Variants in CREB5 observed in about 807,000 individuals in gnomAD.
CREB5 encodes cAMP responsive element binding protein 5, also known as cyclic AMP-responsive element-binding protein 5.
CREB5 carries 19 observed loss-of-function variants against 57.1 expected under a neutral mutation model. The observed-to-expected ratio is 0.33, with a 90% confidence interval of 0.23 to 0.49. The LOEUF (loss-of-function observed/expected upper bound fraction) is 0.49. Among genes scored for constraint, CREB5 ranks in the 20% least tolerant of loss-of-function variants. CREB5 has a pLI of 0.99. For missense variants in CREB5, 579 were observed against 671.6 expected, an observed-to-expected ratio of 0.86 and a Z score of 1.52; for synonymous variants, 238 against 238.3, an observed-to-expected ratio of 1.00 and a Z score of 0.01.
intron 1 of CREB5, among the ~76,000 whole-genome samples, chr7:28,452,825 A>G (rs1258673230): frequency 1.3e-5 from 2 of 152,238 alleles, no homozygotes; most frequent in African/African-American, 4.8e-5. Context: ...CACAGAGCTT[A>G]GTCTCTGGCA....
chr7:28,537,572 G>A lies in CREB5; in HGVS notation c.291+29835G>A, dbSNP rs554888267. On this transcript the variant is annotated intron_variant, in intron 4 of 10. Coordinates refer to ENST00000357727, the MANE Select transcript of CREB5 (RefSeq NM_182898.4). ...ATAGCCTATTTACATGAATACAGGG[G>A]GAGTTAACAGAGGCAGAACTTGGGA... is the stretch of plus-strand genomic sequence containing the variant. Among the ~76,000 whole-genome samples the A allele has an allele frequency of 5.9e-5, 9 of 152,244 alleles. No homozygotes were observed. In the South Asian group the frequency reaches 1.9e-3, roughly 32 times the overall value.
intron 7 of CREB5, among the ~76,000 whole-genome samples, chr7:28,737,373 C>G (rs1213345697): frequency 6.6e-6 from 1 of 151,490 alleles, no homozygotes; most frequent in Non-Finnish European, 1.5e-5. Context: ...TCAGATCTAG[C>G]TGCACCTCCT....
At chr7:28,604,739 C>T (rs1220660393) in intron 5 of CREB5, among the ~76,000 whole-genome samples, 2 of 151,514 alleles carry the variant, frequency 1.3e-5, no homozygotes, top group Non-Finnish European at 2.9e-5. Context: ...TTTTTTTTGT[C>T]CATTATGATA....
Position 28,560,915 on chromosome 7 carries a change from CGTGTGTGCGCGTGCGTGTGT to C in CREB5, c.292-9448_292-9429del, listed in dbSNP as rs1562797804. Among the ~76,000 whole-genome samples the C allele has an allele frequency of 9.5e-4, 16 of 16,890 alleles. 1 individual carries two copies. Among genetic ancestry groups the C allele is most frequent in the South Asian group, 2.3e-3 (1 of 438 alleles). 11.1% of individuals were successfully genotyped at this position (16,890 alleles called of 152,430 possible). A position where few individuals can be genotyped will look rare whatever the true frequency, so the allele number is the denominator to read the frequency against. ...GTGTGTGCGTGCGCGCGTGCGTGTG[CGTGTGTGCGCGTGCGTGTGT>C]GCGTGCGTGTGTGTGCGTGTGTGTG... On this transcript the variant is annotated intron_variant, in intron 4 of 10. Transcript: ENST00000357727.
intron 1 of CREB5, among the ~76,000 whole-genome samples, chr7:28,365,137 G>A (rs1786560872): frequency 6.6e-6 from 1 of 152,104 alleles, no homozygotes; most frequent in South Asian, 2.1e-4. Context: ...TAGAATAACA[G>A]TCTCAAACAT....
intron 4 of CREB5, among the ~76,000 whole-genome samples, chr7:28,529,971 A>C (rs1207248021): frequency 6.6e-6 from 1 of 152,184 alleles, no homozygotes; most frequent in African/African-American, 2.4e-5. Context: ...ATCTCTTATC[A>C]TCACAGCTCC....
intron 7 of CREB5, among the ~76,000 whole-genome samples, chr7:28,742,019 T>C (rs1804382112): frequency 7.5e-6 from 1 of 133,100 alleles, no homozygotes; most frequent in African/African-American, 3.0e-5. Context: ...TGAGCAGAGA[T>C]CACACCACTG....
intron 1 of CREB5, among the ~76,000 whole-genome samples, chr7:28,397,265 G>T (rs1402491808): frequency 1.3e-5 from 2 of 152,176 alleles, no homozygotes; most frequent in African/African-American, 4.8e-5. Context: ...TTACAGAGTG[G>T]TATTCCTCTA....
In CREB5 at chr7:28,700,959, T is replaced by TA. The variant is rs11324534; in HGVS notation, c.465-17777dup. ...TAATTAAGATAGGTTCCCAGGGATT[T>TA]AAAAAAAAAAAAAAAAACAACCCAC... On this transcript the variant is annotated intron_variant, in intron 5 of 10. Coordinates refer to ENST00000357727, the MANE Select transcript of CREB5 (RefSeq NM_182898.4). Among the ~76,000 whole-genome samples, 318 of 134,286 alleles carry TA rather than the reference T, an allele frequency of 2.4e-3. 1 individual carries two copies. The highest frequency in any genetic ancestry group is 0.011 in the South Asian group (44 of 4,134). The allele number at this position is 134,286 out of a possible 152,430, so 88.1% of individuals were successfully genotyped here.
intron 1 of CREB5, among the ~76,000 whole-genome samples, chr7:28,445,165 T>C (rs1363463077): frequency 6.6e-6 from 1 of 152,230 alleles, no homozygotes; most frequent in East Asian, 1.9e-4. Context: ...CTTTCTGCCA[T>C]GATTGTAAAG....
rs145044222 is a variant in CREB5, at chr7:28,680,124, G to A, written c.465-38629G>A. 4.4e-3 allele frequency among the ~76,000 whole-genome samples: 676 copies of A among 152,284 alleles called. 3 individuals carry two copies. Among genetic ancestry groups the A allele is most frequent in the Middle Eastern group, 6.8e-3 (2 of 294 alleles). On this transcript the variant is annotated intron_variant, in intron 5 of 10. Transcript: ENST00000357727. ...CTCAGGGTTGGACAATTGCAGACCT[G>A]CACCTGAGAGTGAGTACCTCCTTAA...
intron 1 of CREB5, among the ~76,000 whole-genome samples, chr7:28,371,491 CAAAAAAA>C (rs5883125): frequency 1.3e-5 from 1 of 77,178 alleles, no homozygotes. Context: ...TACTCCATCT[CAAAAAAA>C]AAAAAAAAAA....
At chr7:28,327,993 G>C (rs879294371) in intron 1 of CREB5, among the ~76,000 whole-genome samples, 1 of 152,156 alleles carries the variant, frequency 6.6e-6, no homozygotes, top group Non-Finnish European at 1.5e-5. Context: ...CTAGCTGAAA[G>C]ATCAAAAAAT....
At chr7:28,566,554 C>T (rs543851581) in intron 4 of CREB5, among the ~76,000 whole-genome samples, 2 of 152,256 alleles carry the variant, frequency 1.3e-5, no homozygotes, top group African/African-American at 4.8e-5. Flanking sequence ...CTTAATTTAT[C>T]TAGAGGTAAA....
At chr7:28,806,815 CAGAATTGA>C (rs1436025579) in intron 8 of CREB5, among the ~76,000 whole-genome samples, 1 of 152,096 alleles carries the variant, frequency 6.6e-6, no homozygotes, top group Non-Finnish European at 1.5e-5. Flanking sequence ...TAGGAGGATA[CAGAATTGA>C]AAGATAAGTC....
chr7:28,366,736 T>C (rs1286003782), intron 1 of CREB5, among the ~76,000 whole-genome samples: 4 of 152,234 alleles, frequency 2.6e-5, no homozygotes, highest in Non-Finnish European at 5.9e-5. Context: ...CAAATCCTTG[T>C]GTAAGTCAGG....
chr7:28,615,915 T>C (rs773032272), intron 5 of CREB5: 4 of 152,216 alleles, frequency 2.6e-5, no homozygotes, highest in African/African-American at 9.7e-5. Context: ...GTCACTGGTA[T>C]TTTCTCAGAG....
At position 28,428,608 on chromosome 7, in the gene CREB5, C is replaced by T. The variant is rs574492862; in HGVS notation, c.3+15691C>T. Among the ~76,000 whole-genome samples, 9 of 152,214 alleles carry T rather than the reference C, an allele frequency of 5.9e-5. No individual in the cohort carries two copies. The South Asian group carries it at 6.2e-4, about 11-fold the overall frequency. ...CCTGAGACAAGGATGAAGTTGTCAT[C>T]GACTGAGATGGGGAAGACGGCAGGT... On this transcript the variant is annotated intron_variant, in intron 1 of 10. Coordinates refer to ENST00000357727, the MANE Select transcript of CREB5 (RefSeq NM_182898.4).
intron 1 of CREB5, among the ~76,000 whole-genome samples, chr7:28,383,435 G>T (rs892284628): frequency 2.0e-5 from 3 of 152,158 alleles, no homozygotes; most frequent in African/African-American, 7.2e-5. Flanking sequence ...ATTGGCTCAG[G>T]GTTCTGCAGG....
Sources: allele counts gnomAD v4.1 joint callset (sites outside exome capture counted in the v4.1 genomes callset), GRCh38; gene constraint gnomAD v4.1.1; transcripts MANE v1.5; gene names NCBI Gene and HGNC (gene_info 2026-07-23, HGNC 2026-07-21).